The following RYK variants were observed in gnomAD, a reference collection of about 807,000 sequenced individuals.
The protein encoded by RYK is receptor like tyrosine kinase, also known as inactive tyrosine-protein kinase RYK.
A neutral mutation model predicts 70.2 loss-of-function variants in RYK; 21 were observed. That is an observed-to-expected ratio of 0.30 (90% CI 0.21 to 0.43). The LOEUF is 0.43. Among genes scored for constraint, RYK ranks in the 20% least tolerant of loss-of-function variants. The probability of loss-of-function intolerance (pLI) is 1.00; values close to 1 mark genes in which losing one functional copy is unlikely to be tolerated. For synonymous variants in RYK, 267 were observed against 278.0 expected, an observed-to-expected ratio of 0.96 and a Z score of 0.39; for missense variants, 604 against 753.3, an observed-to-expected ratio of 0.80 and a Z score of 2.32.
chr3:134,215,932 A>C (rs1329257955), intron 2 of RYK, among the ~76,000 whole-genome samples: 1 of 151,858 alleles, frequency 6.6e-6, no homozygotes, highest in African/African-American at 2.4e-5. Context: ...GGCTACTCGG[A>C]GGCTAAGGCA....
At chr3:134,197,308 G>A (rs954104116) in intron 6 of RYK, among the ~76,000 whole-genome samples, 4 of 152,184 alleles carry the variant, frequency 2.6e-5, no homozygotes, top group Non-Finnish European at 5.9e-5. Flanking sequence ...AAACCGTGAA[G>A]TCAGAACTGC....
At chr3:134,246,443 A>T (rs2107699588) in intron 1 of RYK, among the ~76,000 whole-genome samples, 1 of 151,896 alleles carries the variant, frequency 6.6e-6, no homozygotes, top group Middle Eastern at 3.4e-3. Context: ...CTAAGGTAAT[A>T]CAAGAAAGAA....
intron 1 of RYK, among the ~76,000 whole-genome samples, chr3:134,230,580 T>C (rs1576533261): frequency 6.6e-6 from 1 of 152,236 alleles, no homozygotes; most frequent in African/African-American, 2.4e-5. Flanking sequence ...TATATACTAA[T>C]ATTTCCACTT....
chr3:134,207,772 A>C (rs891922686), intron 4 of RYK, among the ~76,000 whole-genome samples: 9 of 152,192 alleles, frequency 5.9e-5, no homozygotes, highest in African/African-American at 2.2e-4. Context: ...AGTTTGGGAA[A>C]AGCCACATAC....
At chr3:134,185,985 T>G (rs958755513) in intron 9 of RYK, among the ~76,000 whole-genome samples, 16 of 152,182 alleles carry the variant, frequency 1.1e-4, no homozygotes, top group Non-Finnish European at 2.1e-4. Context: ...ATCCTAGTCT[T>G]TTAATTACAT....
intron 13 of RYK, among the ~76,000 whole-genome samples, chr3:134,173,195 C>T (rs531513864): frequency 1.9e-4 from 29 of 151,906 alleles, no homozygotes; most frequent in Non-Finnish European, 3.5e-4. Flanking sequence ...GCAGGAGAAT[C>T]GCATGAACCC....
intron 7 of RYK, among the ~76,000 whole-genome samples, chr3:134,193,488 G>A (rs60524958): frequency 6.6e-6 from 1 of 152,178 alleles, no homozygotes; most frequent in African/African-American, 2.4e-5. Flanking sequence ...CGGCCCCTTT[G>A]ACTTTTTTAA....
chr3:134,167,409 T>C (rs930280351), intron 13 of RYK, among the ~76,000 whole-genome samples: 2 of 152,090 alleles, frequency 1.3e-5, no homozygotes, highest in Non-Finnish European at 2.9e-5. Flanking sequence ...TATAGACCAA[T>C]GGAACAGAAT....
chr3:134,200,394 T>C (rs12487925), intron 6 of RYK, among the ~76,000 whole-genome samples: 13,852 of 151,910 alleles, frequency 0.091, 1,295 homozygotes, highest in South Asian at 0.32. Context: ...AGTGAGACCA[T>C]GAACCCACCA....
At chr3:134,181,080 G>A (rs927849843) in intron 10 of RYK, 2 of 152,174 alleles carry the variant, frequency 1.3e-5, no homozygotes, top group African/African-American at 4.8e-5. Flanking sequence ...CGTTTCTTGG[G>A]AAAATCCTGG....
At chr3:134,231,222 G>A (rs2015050755) in intron 1 of RYK, among the ~76,000 whole-genome samples, 1 of 150,898 alleles carries the variant, frequency 6.6e-6, no homozygotes, top group South Asian at 2.1e-4. Flanking sequence ...AGAAAATGCA[G>A]GCACGTCCTC....
chr3:134,244,864 G>C (rs1256778010), intron 1 of RYK, among the ~76,000 whole-genome samples: 1 of 152,188 alleles, frequency 6.6e-6, no homozygotes, highest in East Asian at 1.9e-4. Context: ...TAGCTCATAA[G>C]AGCAGTCCTC....
intron 7 of RYK, among the ~76,000 whole-genome samples, chr3:134,193,582 A>G (rs2013718708): frequency 6.6e-6 from 1 of 152,224 alleles, no homozygotes; most frequent in South Asian, 2.1e-4. Flanking sequence ...TAATGAGCAA[A>G]GATTGATATT....
chr3:134,199,327 A>T (rs1278166154), intron 6 of RYK, among the ~76,000 whole-genome samples: 1 of 152,158 alleles, frequency 6.6e-6, no homozygotes, highest in East Asian at 1.9e-4. Context: ...GCTCCATCTA[A>T]CCTCACCAGA....
At chr3:134,217,711 T>C (rs1217789290) in intron 2 of RYK, among the ~76,000 whole-genome samples, 1 of 152,134 alleles carries the variant, frequency 6.6e-6, no homozygotes, top group African/African-American at 2.4e-5. Context: ...GGAAAGACAA[T>C]AATCAGGCAA....
chr3:134,161,163 G>A (rs2012459368), intron 13 of RYK, among the ~76,000 whole-genome samples: 1 of 152,126 alleles, frequency 6.6e-6, no homozygotes, highest in Admixed American at 6.5e-5. Flanking sequence ...TATATCGTGG[G>A]GTTTATAATA....
At chr3:134,167,128 T>C (rs1208639381) in intron 13 of RYK, among the ~76,000 whole-genome samples, 2 of 152,104 alleles carry the variant, frequency 1.3e-5, no homozygotes, top group African/African-American at 4.8e-5. Context: ...AAATTAATAA[T>C]GAATAAAGTT....
intron 1 of RYK, among the ~76,000 whole-genome samples, chr3:134,237,032 T>G (rs1416981071): frequency 6.6e-6 from 1 of 152,188 alleles, no homozygotes; most frequent in Non-Finnish European, 1.5e-5. Flanking sequence ...TTCAAAATTT[T>G]ATTTTTAAAC....
chr3:134,200,532 C>CCCA (rs1413844463), intron 6 of RYK, among the ~76,000 whole-genome samples: 23 of 152,314 alleles, frequency 1.5e-4, no homozygotes, highest in Admixed American at 3.9e-4. Flanking sequence ...AGACCAAGAA[C>CCCA]CCACCAGAAG....
Sources: allele counts gnomAD v4.1 joint callset (sites outside exome capture counted in the v4.1 genomes callset), GRCh38; gene constraint gnomAD v4.1.1; transcripts MANE v1.5; gene names NCBI Gene and HGNC (gene_info 2026-07-23, HGNC 2026-07-21).